The following DLG2 variants were observed in gnomAD, a reference collection of about 807,000 sequenced individuals.
The protein encoded by DLG2 is disks large homolog 2.
A neutral mutation model predicts 132.5 loss-of-function variants in DLG2; 45 were observed. The ratio of observed to expected loss-of-function variants is 0.34; its 90% CI spans 0.27 to 0.44. The LOEUF is 0.44. DLG2 is among the 20% of genes least tolerant of loss of function. The probability of loss-of-function intolerance (pLI) is 1.00; values close to 1 mark genes in which losing one functional copy is unlikely to be tolerated. For synonymous variants in DLG2, 424 were observed against 419.6 expected, an observed-to-expected ratio of 1.01 and a Z score of -0.13; for missense variants, 1,045 against 1,196.9, an observed-to-expected ratio of 0.87 and a Z score of 1.87.
chr11:83,515,773 C>T lies in DLG2; in HGVS notation c.2193+16935G>A, dbSNP rs182642458. Among the ~76,000 whole-genome samples, 410 of 152,246 alleles carry T rather than the reference C, an allele frequency of 2.7e-3. 6 individuals carry two copies. The highest frequency in any genetic ancestry group is 9.3e-3 in the African/African-American group (386 of 41,538). On this transcript the variant is annotated intron_variant, in intron 21 of 27. Coordinates refer to ENST00000376104, the MANE Select transcript of DLG2 (RefSeq NM_001142699.3). ...AACATCTTTATTTCTGCCTTCATTT[C>T]GTTATGTACCTAGTAGTCATTCAGG...
At chr11:85,603,850 G>C (rs183394386) in intron 2 of DLG2, among the ~76,000 whole-genome samples, 33 of 152,270 alleles carry the variant, frequency 2.2e-4, no homozygotes, top group African/African-American at 7.7e-4. Context: ...CCAGGAGTTC[G>C]AGGCTTCAGT....
chr11:84,446,154 A>G (rs1391856398), intron 7 of DLG2, among the ~76,000 whole-genome samples: 1 of 151,636 alleles, frequency 6.6e-6, no homozygotes, highest in African/African-American at 2.4e-5. Context: ...TTAAATTTCA[A>G]TTTATTGTTT....
chr11:85,260,671 T>C (rs1333026713), intron 4 of DLG2, among the ~76,000 whole-genome samples: 2 of 152,244 alleles, frequency 1.3e-5, no homozygotes, highest in Non-Finnish European at 2.9e-5. Context: ...CCCATACTTC[T>C]ATGCAGGAGA....
At chr11:83,802,223 C>A (rs2044610832) in intron 17 of DLG2, among the ~76,000 whole-genome samples, 1 of 152,116 alleles carries the variant, frequency 6.6e-6, no homozygotes, top group African/African-American at 2.4e-5. Context: ...AATGTCCTTG[C>A]AAACATTGTT....
intron 6 of DLG2, among the ~76,000 whole-genome samples, chr11:84,699,340 G>A (rs775768342): frequency 2.0e-5 from 3 of 151,524 alleles, no homozygotes; most frequent in African/African-American, 4.8e-5. Context: ...TGTCGTTAAA[G>A]TGTCTGATGC....
At chr11:84,179,042 T>A (rs528999069) in intron 8 of DLG2, among the ~76,000 whole-genome samples, 1 of 152,198 alleles carries the variant, frequency 6.6e-6, no homozygotes, top group South Asian at 2.1e-4. Flanking sequence ...ATGTTGGAAT[T>A]AGCTAACAAA....
chr11:84,549,861 C>A (rs1416686010), intron 6 of DLG2, among the ~76,000 whole-genome samples: 1 of 152,094 alleles, frequency 6.6e-6, no homozygotes, highest in East Asian at 1.9e-4. Context: ...TCACGAGATT[C>A]TCCCACCTCA....
At chr11:84,126,660 C>T (rs1277041206) in intron 9 of DLG2, among the ~76,000 whole-genome samples, 1 of 152,008 alleles carries the variant, frequency 6.6e-6, no homozygotes, top group African/African-American at 2.4e-5. Context: ...CTATATTCAA[C>T]CTCATTAGTA....
intron 19 of DLG2, among the ~76,000 whole-genome samples, chr11:83,628,116 C>T (rs1252343887): frequency 1.3e-5 from 2 of 151,968 alleles, no homozygotes; most frequent in Admixed American, 1.3e-4. Context: ...GGATATTAGC[C>T]CTTTGTCAGA....
At chr11:83,527,888 T>C (rs2095647686) in intron 21 of DLG2, among the ~76,000 whole-genome samples, 1 of 152,188 alleles carries the variant, frequency 6.6e-6, no homozygotes, top group South Asian at 2.1e-4. Context: ...CTCTGAAGAT[T>C]ATGCAATTTC....
At chr11:84,391,656 T>A (rs896921346) in intron 7 of DLG2, among the ~76,000 whole-genome samples, 9 of 152,136 alleles carry the variant, frequency 5.9e-5, no homozygotes, top group African/African-American at 2.2e-4. Context: ...TCCTGAGCAT[T>A]TAATAGTATC....
intron 4 of DLG2, among the ~76,000 whole-genome samples, chr11:85,235,822 T>C (rs986896614): frequency 6.6e-6 from 1 of 152,016 alleles, no homozygotes; most frequent in African/African-American, 2.4e-5. Flanking sequence ...GAATAGATCA[T>C]ATAGAAATTA....
chr11:83,794,664 T>A (rs1232635754), intron 17 of DLG2, among the ~76,000 whole-genome samples: 1 of 152,100 alleles, frequency 6.6e-6, no homozygotes, highest in Non-Finnish European at 1.5e-5. Context: ...TATATATTAT[T>A]TCATTTAATC....
chr11:85,044,866 T>G (rs955453965), intron 6 of DLG2, among the ~76,000 whole-genome samples: 6 of 152,070 alleles, frequency 3.9e-5, no homozygotes, highest in African/African-American at 1.4e-4. Flanking sequence ...GGAGTTTCAT[T>G]TTCTCTTTAA....
At chr11:84,811,009 CTG>C (rs1598641633) in intron 6 of DLG2, among the ~76,000 whole-genome samples, 1 of 152,104 alleles carries the variant, frequency 6.6e-6, no homozygotes, top group African/African-American at 2.4e-5. Context: ...TTCATCTTGA[CTG>C]TGTAAATATT....
chr11:85,601,782 A>T (rs1021154478), intron 2 of DLG2, among the ~76,000 whole-genome samples: 1 of 152,152 alleles, frequency 6.6e-6, no homozygotes, highest in Non-Finnish European at 1.5e-5. Flanking sequence ...CACTTCATGG[A>T]TGCCCTTTCT....
chr11:84,231,729 A>G (rs982430246), intron 8 of DLG2, among the ~76,000 whole-genome samples: 1 of 152,212 alleles, frequency 6.6e-6, no homozygotes, highest in African/African-American at 2.4e-5. Flanking sequence ...ACTTTCAGGT[A>G]GTTAAAAGAT....
chr11:84,873,125 C>T (rs1011984978), intron 6 of DLG2, among the ~76,000 whole-genome samples: 11 of 152,166 alleles, frequency 7.2e-5, no homozygotes, highest in African/African-American at 2.7e-4. Flanking sequence ...AGCTAAGGAG[C>T]TTAACATGGG....
intron 7 of DLG2, among the ~76,000 whole-genome samples, chr11:84,347,154 G>A (rs574898248): frequency 6.6e-6 from 1 of 152,128 alleles, no homozygotes; most frequent in Non-Finnish European, 1.5e-5. Context: ...GTGTCACCCA[G>A]CTGTGCACAG....
Sources: gnomAD v4.1 joint callset for allele counts (sites outside exome capture counted in the v4.1 genomes callset) on GRCh38, gnomAD v4.1.1 for gene constraint, MANE v1.5 for transcripts, NCBI Gene and HGNC (gene_info 2026-07-23, HGNC 2026-07-21) for gene names.